Variants in LDLRAD3 observed in about 807,000 individuals in gnomAD.
LDLRAD3 encodes low-density lipoprotein receptor class A domain-containing protein 3.
LDLRAD3 carries 20 observed loss-of-function variants against 29.4 expected under a neutral mutation model. The ratio of observed to expected loss-of-function variants is 0.68; its 90% CI spans 0.48 to 0.99. The LOEUF (loss-of-function observed/expected upper bound fraction) is 0.99, where lower values mean the gene tolerates loss of function less well. Ranked by LOEUF, LDLRAD3 falls within the 50% of genes least tolerant of loss-of-function variation. The pLI is 0.00. For synonymous variants in LDLRAD3, 157 were observed against 192.7 expected (o/e 0.81, Z 1.53); for missense variants, 420 against 454.3 (o/e 0.92, Z 0.69).
At chr11:36,217,033 C>A (rs1855362257) in intron 4 of LDLRAD3, among the ~76,000 whole-genome samples, 2 of 152,232 alleles carry the variant, frequency 1.3e-5, no homozygotes, top group Non-Finnish European at 2.9e-5. Flanking sequence ...AGTTACTTAA[C>A]CTCTCTGTTA....
chr11:35,977,620 C>T (rs997001260), intron 1 of LDLRAD3, among the ~76,000 whole-genome samples: 9 of 152,138 alleles, frequency 5.9e-5, no homozygotes, highest in South Asian at 2.1e-4. Flanking sequence ...ATGAGACGCC[C>T]GTCTTAGGTC....
At chr11:36,218,296 C>T (rs1330250340) in intron 4 of LDLRAD3, among the ~76,000 whole-genome samples, 1 of 152,150 alleles carries the variant, frequency 6.6e-6, no homozygotes, top group East Asian at 1.9e-4. Flanking sequence ...CCATGCCCTT[C>T]TGGGGGTTGA....
In LDLRAD3 at chr11:35,953,189, A is replaced by G. The variant is rs536908734; in HGVS notation, c.46+9045A>G. ...GTGAATTCGCTGTTGCCCAAATCCAACTGTGATTTTTGACAGACAAATAGC... is the reference window on the plus strand; with the variant it reads ...GTGAATTCGCTGTTGCCCAAATCCAGCTGTGATTTTTGACAGACAAATAGC... On this transcript the variant is annotated intron_variant, in intron 1 of 5. Transcript: ENST00000315571. Among the ~76,000 whole-genome samples the G allele has an allele frequency of 6.6e-5, 10 of 152,286 alleles. No homozygotes were observed. In the East Asian group the frequency reaches 1.9e-3, roughly 29 times the overall value.
chr11:36,151,874 A>G (rs893622670), intron 4 of LDLRAD3, among the ~76,000 whole-genome samples: 1 of 152,196 alleles, frequency 6.6e-6, no homozygotes, highest in Non-Finnish European at 1.5e-5. Flanking sequence ...GTACCACTAC[A>G]AGGAAATGCT....
chr11:36,085,837 T>C (rs1274010439), intron 3 of LDLRAD3, among the ~76,000 whole-genome samples: 1 of 152,062 alleles, frequency 6.6e-6, no homozygotes, highest in Non-Finnish European at 1.5e-5. Flanking sequence ...CAGGTTGGTC[T>C]CAAACTCCTG....
chr11:36,024,918 T>A (rs537431550), intron 1 of LDLRAD3, among the ~76,000 whole-genome samples: 5 of 152,256 alleles, frequency 3.3e-5, no homozygotes, highest in Non-Finnish European at 7.3e-5. Flanking sequence ...TCTGACCTAC[T>A]GGCTAGGCCT....
intron 4 of LDLRAD3, among the ~76,000 whole-genome samples, chr11:36,122,564 A>C (rs1853774845): frequency 6.6e-6 from 1 of 152,210 alleles, no homozygotes. Flanking sequence ...GATGATGATA[A>C]CAATAATAAT....
intron 1 of LDLRAD3, among the ~76,000 whole-genome samples, chr11:35,979,993 G>A (rs1851521247): frequency 6.6e-6 from 1 of 152,154 alleles, no homozygotes; most frequent in Non-Finnish European, 1.5e-5. Flanking sequence ...CTGTTTAAGT[G>A]TTCTTGTCTT....
chr11:36,141,946 G>A (rs1170470154), intron 4 of LDLRAD3, among the ~76,000 whole-genome samples: 1 of 152,248 alleles, frequency 6.6e-6, no homozygotes, highest in African/African-American at 2.4e-5. Context: ...TGAAATTGCA[G>A]TATCAGAGGT....
chr11:36,176,505 G>A (rs1171473718), intron 4 of LDLRAD3, among the ~76,000 whole-genome samples: 1 of 151,386 alleles, frequency 6.6e-6, no homozygotes, highest in Non-Finnish European at 1.5e-5. Context: ...TGTAAGTGCT[G>A]GCTTGGTAGT....
At chr11:36,135,039 C>T in intron 4 of LDLRAD3, among the ~76,000 whole-genome samples, 1 of 152,290 alleles carries the variant, frequency 6.6e-6, no homozygotes, top group African/African-American at 2.4e-5. Context: ...CTCTCTCTTT[C>T]CCTCCTCTTC....
chr11:36,156,844 A>G (rs908892283), intron 4 of LDLRAD3, among the ~76,000 whole-genome samples: 2 of 152,226 alleles, frequency 1.3e-5, no homozygotes, highest in African/African-American at 4.8e-5. Context: ...TTGTTTTGTC[A>G]TGCCAAAAAA....
chr11:35,956,201 A>G (rs1250643902), intron 1 of LDLRAD3, among the ~76,000 whole-genome samples: 1 of 152,138 alleles, frequency 6.6e-6, no homozygotes, highest in East Asian at 1.9e-4. Flanking sequence ...TTATTCGATA[A>G]CAGAGCTGGG....
Position 36,133,729 on chromosome 11 carries a change from G to A in LDLRAD3, c.454+35268G>A, listed in dbSNP as rs1853963837. Among the ~76,000 whole-genome samples the A allele has an allele frequency of 2.6e-5, 4 of 151,244 alleles. No homozygotes were observed. In the South Asian group the frequency reaches 8.3e-4, roughly 32 times the overall value. ...TGTTTTTGTATTTTTAGTAGAAACA[G>A]GGTTTCACCGTGTTAGCCAGGATGG... is the stretch of plus-strand genomic sequence containing the variant. On this transcript the variant is annotated intron_variant, in intron 4 of 5. Transcript: ENST00000315571.
chr11:35,944,093 C>A lies in LDLRAD3; in HGVS notation c.-6C>A. ...GACGCCGGGCAGCGGGAGCGGCGGCCGCGCCATGTGGCTGCTGGGGCCGCT... is the reference window on the plus strand; with the variant it reads ...GACGCCGGGCAGCGGGAGCGGCGGCAGCGCCATGTGGCTGCTGGGGCCGCT... On this transcript the variant is annotated 5_prime_UTR_variant, in exon 1 of 6. Coordinates refer to ENST00000315571, the MANE Select transcript of LDLRAD3 (RefSeq NM_174902.4). This position sits in a 1 kb window ranked among gnomAD's most constrained non-coding sequence, Gnocchi z 4.9. 9.3e-7 allele frequency: 1 copy of A among 1,075,556 alleles called. No homozygotes were observed. The highest frequency in any genetic ancestry group is 1.1e-6 in the Non-Finnish European group (1 of 888,894). 66.6% of individuals were successfully genotyped at this position (1,075,556 alleles called of 1,614,324 possible).
At chr11:36,074,759 C>T (rs576581843) in intron 2 of LDLRAD3, among the ~76,000 whole-genome samples, 4 of 152,252 alleles carry the variant, frequency 2.6e-5, no homozygotes, top group South Asian at 2.1e-4. Flanking sequence ...GATCAAGGAC[C>T]GTGTGTCAGA....
chr11:35,983,047 T>G (rs892977891), intron 1 of LDLRAD3, among the ~76,000 whole-genome samples: 11 of 151,888 alleles, frequency 7.2e-5, no homozygotes, highest in African/African-American at 2.4e-4. Context: ...AGAGGCAGGG[T>G]TTTACCATGT....
intron 4 of LDLRAD3, among the ~76,000 whole-genome samples, chr11:36,159,074 G>A (rs1375097881): frequency 6.6e-6 from 1 of 152,180 alleles, no homozygotes; most frequent in Non-Finnish European, 1.5e-5. Flanking sequence ...GGAAATTAAA[G>A]GAAGGGCTGA....
In LDLRAD3 at chr11:35,944,546, G is replaced by T. The variant is rs1330701570; in HGVS notation, c.46+402G>T. On this transcript the variant is annotated intron_variant, in intron 1 of 5. Transcript: ENST00000315571. This position sits in a 1 kb window ranked among gnomAD's most constrained non-coding sequence, Gnocchi z 4.9. ...CTTCCCTGGTCTCATCTTCCCAGACGCCTGGTCGCGCGCGGCTGCGTTAGC... is the reference window on the plus strand; with the variant it reads ...CTTCCCTGGTCTCATCTTCCCAGACTCCTGGTCGCGCGCGGCTGCGTTAGC... Among the ~76,000 whole-genome samples the T allele has an allele frequency of 6.6e-6, 1 of 152,140 alleles. No homozygotes were observed. The highest frequency in any genetic ancestry group is 1.5e-5 in the Non-Finnish European group (1 of 68,012).
Sources: gnomAD v4.1 joint callset for allele counts (sites outside exome capture counted in the v4.1 genomes callset) on GRCh38, gnomAD v4.1.1 for gene constraint, Gnocchi (gnomAD v3.1) non-coding constraint, MANE v1.5 for transcripts, NCBI Gene and HGNC (gene_info 2026-07-23, HGNC 2026-07-21) for gene names.